Variants in DDX10 observed in about 807,000 individuals in gnomAD.
The protein encoded by DDX10 is probable ATP-dependent RNA helicase DDX10.
In DDX10, 74 loss-of-function variants were observed where a neutral mutation model predicts 104.3. The observed-to-expected ratio is 0.71, with a 90% CI of 0.59 to 0.86. DDX10 has a LOEUF of 0.86. Among genes scored for constraint, DDX10 ranks in the 40% least tolerant of loss-of-function variants. The probability of loss-of-function intolerance (pLI) is 0.00; values close to 1 mark genes in which losing one functional copy is unlikely to be tolerated. For missense variants in DDX10, 952 were observed against 1,040.0 expected, an observed-to-expected ratio of 0.92 and a Z score of 1.16; for synonymous variants, 351 against 353.4, an observed-to-expected ratio of 0.99 and a Z score of 0.08.
Position 108,665,135 on chromosome 11 carries a change from T to TGTCGCC in DDX10, c.-17_-12dup, listed in dbSNP as rs774974264. On this transcript the variant is annotated 5_prime_UTR_variant, in exon 1 of 18. Coordinates refer to ENST00000322536, the MANE Select transcript of DDX10 (RefSeq NM_004398.4). ...TCTCGTGTCTGGGGTTGATCCGAGC[T>TGTCGCC]GTCGCCGCCGCCGCCGCAATGGGCA... 1 of 1,597,098 alleles carries TGTCGCC rather than the reference T, an allele frequency of 6.3e-7. No individual in the cohort carries two copies. Among genetic ancestry groups the TGTCGCC allele is most frequent in the South Asian group, 1.1e-5 (1 of 88,590 alleles).
chr11:108,887,563 C>T (rs1243676619), intron 16 of DDX10, among the ~76,000 whole-genome samples: 5 of 150,542 alleles, frequency 3.3e-5, no homozygotes, highest in South Asian at 4.2e-4. Flanking sequence ...CCACACTAAC[C>T]GGAAACTCAT....
chr11:108,901,363 GTTCT>G (rs750171126), intron 16 of DDX10, among the ~76,000 whole-genome samples: 16 of 152,272 alleles, frequency 1.1e-4, no homozygotes, highest in Admixed American at 5.9e-4. Flanking sequence ...TAAGCCCATT[GTTCT>G]TTCTAAGATT....
intron 10 of DDX10, among the ~76,000 whole-genome samples, chr11:108,707,713 G>T (rs1401841996): frequency 1.3e-5 from 2 of 152,152 alleles, no homozygotes; most frequent in African/African-American, 2.4e-5. Flanking sequence ...TAAATAGAGG[G>T]TTAAAGATAG....
chr11:108,666,747 C>G (rs1254122550), intron 1 of DDX10, among the ~76,000 whole-genome samples: 1 of 152,190 alleles, frequency 6.6e-6, no homozygotes, highest in African/African-American at 2.4e-5. Flanking sequence ...AGGGCGCTTA[C>G]GATTGCGTTT....
intron 3 of DDX10, among the ~76,000 whole-genome samples, chr11:108,676,611 T>A (rs1380978971): frequency 6.6e-6 from 1 of 152,122 alleles, no homozygotes; most frequent in African/African-American, 2.4e-5. Context: ...CACGCCAAGC[T>A]GATTTTTGTA....
chr11:108,851,674 G>A (rs189383432), intron 15 of DDX10, among the ~76,000 whole-genome samples: 5 of 148,990 alleles, frequency 3.4e-5, no homozygotes, highest in African/African-American at 5.2e-5. Flanking sequence ...AGAATGTATC[G>A]CAAAAAGCAC....
intron 13 of DDX10, among the ~76,000 whole-genome samples, chr11:108,775,955 A>T (rs1454414559): frequency 6.6e-6 from 1 of 152,182 alleles, no homozygotes; most frequent in Non-Finnish European, 1.5e-5. Context: ...TGTTTAAAAA[A>T]TTCATTATGT....
intron 13 of DDX10, among the ~76,000 whole-genome samples, chr11:108,744,496 A>G (rs1050646045): frequency 1.3e-5 from 2 of 152,202 alleles, no homozygotes; most frequent in Non-Finnish European, 2.9e-5. Flanking sequence ...CCCAAAGTCT[A>G]CTGATGAAAT....
At chr11:108,695,412 C>T (rs147001528) in intron 9 of DDX10, among the ~76,000 whole-genome samples, 1 of 152,162 alleles carries the variant, frequency 6.6e-6, no homozygotes, top group Non-Finnish European at 1.5e-5. Context: ...TCAAAACTTT[C>T]CCAGGGATGT....
chr11:108,726,399 C>T (rs1048251881), intron 13 of DDX10, among the ~76,000 whole-genome samples: 9 of 152,020 alleles, frequency 5.9e-5, no homozygotes, highest in African/African-American at 2.2e-4. Context: ...TAACTTTAAG[C>T]ACATGTAATG....
chr11:108,933,112 C>T (rs1863994035), intron 17 of DDX10, among the ~76,000 whole-genome samples: 1 of 151,972 alleles, frequency 6.6e-6, no homozygotes, highest in African/African-American at 2.4e-5. Context: ...AGAGATTGAG[C>T]TCAACTGAGA....
At chr11:108,898,203 C>A (rs1054352977) in intron 16 of DDX10, among the ~76,000 whole-genome samples, 1 of 152,010 alleles carries the variant, frequency 6.6e-6, no homozygotes. Flanking sequence ...TTGGACTTTC[C>A]CAGGACTAAC....
chr11:108,885,529 T>C, intron 16 of DDX10, among the ~76,000 whole-genome samples: 1 of 151,978 alleles, frequency 6.6e-6, no homozygotes. Context: ...GGTTAATTTT[T>C]GTATTTTTAG....
At chr11:108,916,343 C>G (rs1302942013) in intron 16 of DDX10, among the ~76,000 whole-genome samples, 2 of 152,120 alleles carry the variant, frequency 1.3e-5, no homozygotes, top group African/African-American at 4.8e-5. Flanking sequence ...AATAAGCTGT[C>G]AAGTGTGCTG....
intron 6 of DDX10, among the ~76,000 whole-genome samples, chr11:108,684,211 T>G: frequency 7.5e-6 from 1 of 132,704 alleles, no homozygotes; most frequent in South Asian, 2.9e-4. Context: ...TTTATTATAC[T>G]CTTAAGTTTT....
chr11:108,833,043 A>G (rs560216834), intron 13 of DDX10, among the ~76,000 whole-genome samples: 95 of 152,336 alleles, frequency 6.2e-4, no homozygotes, highest in African/African-American at 2.2e-3. Context: ...TGCATGTATT[A>G]CCTGCTAAAG....
chr11:108,736,859 A>G (rs113815337), intron 13 of DDX10, among the ~76,000 whole-genome samples: 2,498 of 152,294 alleles, frequency 0.016, 30 homozygotes, highest in Non-Finnish European at 0.028. Flanking sequence ...TAGCAGCACA[A>G]AGCAGACTAA....
intron 16 of DDX10, among the ~76,000 whole-genome samples, chr11:108,908,066 A>T (rs1425279029): frequency 2.0e-5 from 3 of 152,206 alleles, no homozygotes; most frequent in Non-Finnish European, 4.4e-5. Flanking sequence ...TAATGCATTT[A>T]ATAACATCAC....
intron 9 of DDX10, among the ~76,000 whole-genome samples, chr11:108,697,133 A>T (rs2094260971): frequency 6.6e-6 from 1 of 152,142 alleles, no homozygotes; most frequent in Non-Finnish European, 1.5e-5. Flanking sequence ...TTTAAAGCAC[A>T]AGCCTGTTTG....
Sources: gnomAD v4.1 joint callset for allele counts (sites outside exome capture counted in the v4.1 genomes callset) on GRCh38, gnomAD v4.1.1 for gene constraint, MANE v1.5 for transcripts, NCBI Gene and HGNC (gene_info 2026-07-23, HGNC 2026-07-21) for gene names.